MINDY4: variants seen among roughly 807,000 people sequenced by gnomAD.
MINDY4 encodes the protein probable ubiquitin carboxyl-terminal hydrolase MINDY-4.
Under a neutral mutation model 87.0 loss-of-function variants are expected in MINDY4, and 68 were observed. That is an observed-to-expected ratio of 0.78 (90% CI 0.64 to 0.96). The LOEUF (loss-of-function observed/expected upper bound fraction) is 0.96, where lower values mean the gene tolerates loss of function less well. Ranked by LOEUF, MINDY4 falls within the 40% of genes least tolerant of loss-of-function variation. The probability of loss-of-function intolerance (pLI) is 0.00; values close to 1 mark genes in which losing one functional copy is unlikely to be tolerated. For missense variants in MINDY4, 919 were observed against 928.2 expected (o/e 0.99, Z 0.13); for synonymous variants, 379 against 363.2 (o/e 1.04, Z -0.50).
intron 7 of MINDY4, among the ~76,000 whole-genome samples, chr7:30,837,673 A>C: frequency 6.6e-6 from 1 of 152,158 alleles, no homozygotes. Context: ...TGCAGAGCGC[A>C]CTTATGCTTG....
chr7:30,865,521 G>T (rs1010488380), intron 13 of MINDY4, among the ~76,000 whole-genome samples: 1 of 152,198 alleles, frequency 6.6e-6, no homozygotes, highest in East Asian at 1.9e-4. Context: ...GTCCCTGGGA[G>T]CCACCTGCTC....
At chr7:30,810,655 T>A (rs906037170) in intron 5 of MINDY4, among the ~76,000 whole-genome samples, 10 of 151,786 alleles carry the variant, frequency 6.6e-5, no homozygotes, top group African/African-American at 2.4e-4. Context: ...TTAAAAAGAG[T>A]CTATAAAAAT....
At chr7:30,879,632 C>A (rs1480156012) in intron 15 of MINDY4, among the ~76,000 whole-genome samples, 3 of 152,252 alleles carry the variant, frequency 2.0e-5, no homozygotes, top group Non-Finnish European at 2.9e-5. Context: ...GCACCCTCCA[C>A]CTGCCCAGCT....
In MINDY4 at chr7:30,815,048, A is replaced by T. The variant is rs189573355; in HGVS notation, c.1074-13631A>T. Among the ~76,000 whole-genome samples the T allele has an allele frequency of 3.9e-5, 6 of 152,320 alleles. No individual in the cohort carries two copies. In the East Asian group the frequency reaches 1.2e-3, roughly 29 times the overall value. On this transcript the variant is annotated intron_variant, in intron 5 of 17. Transcript: ENST00000265299. The stretch of plus-strand genomic sequence containing the variant: ...ACTCAGCCTCTCGTTGGTGCAGCTT[A>T]CTTCCCTGACACGTTGGTTGGTCTT...
chr7:30,871,224 C>G (rs1280400707), intron 13 of MINDY4, among the ~76,000 whole-genome samples: 1 of 152,236 alleles, frequency 6.6e-6, no homozygotes, highest in Admixed American at 6.5e-5. Context: ...GCCAGCTTCT[C>G]TGTGCTTCTT....
chr7:30,801,271 A>G (rs1394243644), intron 5 of MINDY4, among the ~76,000 whole-genome samples: 1 of 152,118 alleles, frequency 6.6e-6, no homozygotes, highest in African/African-American at 2.4e-5. Flanking sequence ...TTTCATTTTA[A>G]TTTGTCTTTA....
chr7:30,885,566 C>A (rs1471485310), intron 17 of MINDY4, among the ~76,000 whole-genome samples: 1 of 152,156 alleles, frequency 6.6e-6, no homozygotes, highest in African/African-American at 2.4e-5. Flanking sequence ...GCGCCGTGCC[C>A]CACACCAAGG....
chr7:30,807,761 T>A (rs1296788766), intron 5 of MINDY4, among the ~76,000 whole-genome samples: 1 of 152,290 alleles, frequency 6.6e-6, no homozygotes, highest in African/African-American at 2.4e-5. Context: ...TCTGTTCTGT[T>A]CTAATTACCG....
intron 2 of MINDY4, chr7:30,781,421 C>G (rs1787005450): frequency 6.6e-6 from 1 of 152,390 alleles, no homozygotes; most frequent in African/African-American, 2.4e-5. Context: ...TGAAGACTTT[C>G]ATTTGCCTTT....
rs779736738 is a variant in MINDY4, at chr7:30,785,770, T to C, written c.441T>C (p.Asp147=). 1.2e-6 allele frequency: 2 copies of C among 1,614,096 alleles called. No individual in the cohort carries two copies. Among genetic ancestry groups the C allele is most frequent in the African/African-American group, 1.3e-5 (1 of 74,926 alleles). Residue 147 remains aspartate (D), a synonymous_variant, in exon 4 of 18, where the codon GAT becomes GAC. Transcript: ENST00000265299. ...SKARHDNLDG[D]VLGNFVSSKR... ...ACAGACATGACAATCTTGATGGAGA[T>C]GTACTTGGTAATTTTGTATCATCTA...
chr7:30,843,636 G>C (rs892097020), intron 9 of MINDY4, among the ~76,000 whole-genome samples: 4 of 140,330 alleles, frequency 2.9e-5, no homozygotes. Context: ...GCCCACTGCT[G>C]TCCACACCAG....
At chr7:30,856,604 A>G (rs1471309304) in intron 12 of MINDY4, among the ~76,000 whole-genome samples, 2 of 152,134 alleles carry the variant, frequency 1.3e-5, no homozygotes, top group African/African-American at 4.8e-5. Context: ...GAAACAGACC[A>G]CAGACCAAGA....
Position 30,836,719 on chromosome 7 carries a change from C to G in MINDY4, c.1194C>G (p.Leu398=). The change falls in exon 7 of 18, where the codon CTC becomes CTG. Residue 398 remains leucine, a synonymous_variant. Coordinates refer to ENST00000265299, the MANE Select transcript of MINDY4 (RefSeq NM_032222.3). ...EVILSPVPSV[L]KLQTASKPID... ...TCCTGTCGCCAGTCCCATCAGTGCT[C>G]AAGTTGCAGACAGCATCAAAACCAA... 2 of 1,614,138 alleles carry G rather than the reference C, an allele frequency of 1.2e-6. No homozygotes were observed. Among genetic ancestry groups the G allele is most frequent in the South Asian group, 1.1e-5 (1 of 91,060 alleles).
At chr7:30,855,037 C>T (rs981882507) in intron 12 of MINDY4, among the ~76,000 whole-genome samples, 1 of 152,242 alleles carries the variant, frequency 6.6e-6, no homozygotes, top group African/African-American at 2.4e-5. Context: ...CTGTCCCCAG[C>T]TCTGGTTTTT....
chr7:30,870,362 CAG>C (rs1307733242), intron 13 of MINDY4, among the ~76,000 whole-genome samples: 3 of 152,212 alleles, frequency 2.0e-5, no homozygotes, highest in Non-Finnish European at 4.4e-5. Flanking sequence ...GTATATGCTG[CAG>C]AGAGCATTTC....
intron 5 of MINDY4, among the ~76,000 whole-genome samples, chr7:30,817,943 C>T (rs1319510011): frequency 6.6e-6 from 1 of 152,200 alleles, no homozygotes; most frequent in Non-Finnish European, 1.5e-5. Flanking sequence ...TTTTCAGTTT[C>T]ACTCGCCTTG....
intron 17 of MINDY4, among the ~76,000 whole-genome samples, chr7:30,886,550 C>T (rs748435092): frequency 2.6e-5 from 4 of 152,294 alleles, no homozygotes; most frequent in South Asian, 2.1e-4. Flanking sequence ...AATGGAGGTC[C>T]GTGTCCCAGC....
At chr7:30,840,911 A>T (rs1232946864) in intron 9 of MINDY4, 63 bp downstream of exon 9, 1 of 1,449,264 alleles carries the variant, frequency 6.9e-7, no homozygotes, top group African/African-American at 1.4e-5. Context: ...GTGTCCAGAA[A>T]AAACAAGCAA....
rs781255248 is a variant in MINDY4 at position 30,793,696 on chromosome 7, A to G, written c.1073+2122A>G. 3.3e-5 allele frequency among the ~76,000 whole-genome samples: 5 copies of G among 151,762 alleles called. No homozygotes were observed. The South Asian group carries it at 1.0e-3, about 31-fold the overall frequency. On this transcript the variant is annotated intron_variant, in intron 5 of 17. Coordinates refer to ENST00000265299, the MANE Select transcript of MINDY4 (RefSeq NM_032222.3). The stretch of plus-strand genomic sequence containing the variant: ...GTGGGCCCAGGGCAGGTATTCTCAT[A>G]TAATACATGGTGGGGAGGGGCTGCC...
Sources: gnomAD v4.1 joint callset for allele counts (sites outside exome capture counted in the v4.1 genomes callset) on GRCh38, gnomAD v4.1.1 for gene constraint, MANE v1.5 for transcripts, NCBI Gene and HGNC (gene_info 2026-07-23, HGNC 2026-07-21) for gene names.